Variants in SHISA9 observed in about 807,000 individuals in gnomAD.
SHISA9 encodes the protein shisa family member 9, also known as protein shisa-9.
SHISA9 carries 13 observed loss-of-function variants against 38.0 expected under a neutral mutation model. The ratio of observed to expected loss-of-function variants is 0.34; its 90% CI spans 0.22 to 0.54. The LOEUF is 0.54. Among genes scored for constraint, SHISA9 ranks in the 20% least tolerant of loss-of-function variants. SHISA9 has a pLI of 0.91. For synonymous variants in SHISA9, 275 were observed against 242.0 expected, an observed-to-expected ratio of 1.14 and a Z score of -1.27; for missense variants, 538 against 575.8, an observed-to-expected ratio of 0.93 and a Z score of 0.67.
intron 2 of SHISA9, among the ~76,000 whole-genome samples, chr16:12,966,241 T>C (rs1567355119): frequency 6.6e-6 from 1 of 152,234 alleles, no homozygotes; most frequent in Non-Finnish European, 1.5e-5. Flanking sequence ...ATGATTTTGC[T>C]CACCTAGGGG....
chr16:13,095,957 C>T (rs575757525), intron 2 of SHISA9, among the ~76,000 whole-genome samples: 77 of 152,198 alleles, frequency 5.1e-4, no homozygotes, highest in African/African-American at 1.7e-3. Context: ...TAGTAAGTTC[C>T]CAGGTGATGC....
At position 13,080,140 on chromosome 16, in the gene SHISA9, G is replaced by A. The variant is rs567180662; in HGVS notation, c.692-123254G>A. On this transcript the variant is annotated intron_variant, in intron 2 of 4. Transcript: ENST00000558583. ...TGTAATCCCAGCACTTTGGGAGGCC[G>A]AGGCAGGAGGATCACGAGGTCAGGA... Among the ~76,000 whole-genome samples, 114 of 152,246 alleles carry A rather than the reference G, an allele frequency of 7.5e-4. 3 individuals are homozygous for A. In the East Asian group the frequency reaches 0.018, roughly 24 times the overall value.
intron 2 of SHISA9, among the ~76,000 whole-genome samples, chr16:12,970,495 ATATTTTTTTTTTTTTTT>A (rs2072065304): frequency 4.1e-5 from 1 of 24,642 alleles, no homozygotes; most frequent in South Asian, 2.3e-3. Flanking sequence ...ATATATATAT[ATATTTTTTTTTTTTTTT>A]TTTTTTTTTT....
chr16:13,186,011 C>A (rs16961302), intron 2 of SHISA9, among the ~76,000 whole-genome samples: 21,659 of 152,150 alleles, frequency 0.14, 1,811 homozygotes, highest in African/African-American at 0.21. Flanking sequence ...TCATTTTACC[C>A]TACCTTGAAC....
the SHISA9 span, among the ~76,000 whole-genome samples, chr16:13,316,218 T>C: frequency 6.6e-6 from 1 of 152,052 alleles, no homozygotes; most frequent in Non-Finnish European, 1.5e-5. Context: ...TCAGTGGCTT[T>C]GTGTTGGAAA....
At chr16:12,912,741 C>T (rs1291203780) in intron 1 of SHISA9, among the ~76,000 whole-genome samples, 6 of 152,220 alleles carry the variant, frequency 3.9e-5, no homozygotes, top group African/African-American at 1.4e-4. Flanking sequence ...CATCTCCTCC[C>T]AATCCCCGCA....
the SHISA9 span, among the ~76,000 whole-genome samples, chr16:13,371,792 G>A: frequency 6.6e-6 from 1 of 152,206 alleles, no homozygotes; most frequent in Non-Finnish European, 1.5e-5. Flanking sequence ...CACATGCCTG[G>A]AAGGCAGGAT....
the SHISA9 span, among the ~76,000 whole-genome samples, chr16:13,462,818 C>T: frequency 5.9e-5 from 9 of 152,070 alleles, no homozygotes; most frequent in Admixed American, 1.3e-4. Flanking sequence ...AAAAATTAGC[C>T]AGGCGTGGTG....
intron 2 of SHISA9, among the ~76,000 whole-genome samples, chr16:12,942,065 G>A (rs1451813051): frequency 6.6e-6 from 1 of 152,122 alleles, no homozygotes; most frequent in African/African-American, 2.4e-5. Flanking sequence ...GGGACCCTCA[G>A]TGCAGTGACA....
At chr16:13,138,093 A>G (rs989147674) in intron 2 of SHISA9, among the ~76,000 whole-genome samples, 2 of 152,082 alleles carry the variant, frequency 1.3e-5, no homozygotes, top group African/African-American at 4.8e-5. Context: ...GCACACCCAA[A>G]AGTGATGGTG....
chr16:13,419,279 A>G, the SHISA9 span, among the ~76,000 whole-genome samples: 2 of 152,234 alleles, frequency 1.3e-5, no homozygotes, highest in African/African-American at 4.8e-5. Context: ...AGCTCCAAGA[A>G]AGAAGACATT....
the SHISA9 span, among the ~76,000 whole-genome samples, chr16:13,512,630 A>G: frequency 0.12 from 18,746 of 152,226 alleles, 1,267 homozygotes; most frequent in Middle Eastern, 0.19. Context: ...AACAGTAACC[A>G]AAACAGGATG....
chr16:13,533,972 A>G, the SHISA9 span, among the ~76,000 whole-genome samples: 1 of 151,908 alleles, frequency 6.6e-6, no homozygotes, highest in Non-Finnish European at 1.5e-5. Flanking sequence ...TTTAGTAGAG[A>G]CAGGGTTTCA....
chr16:13,297,792 T>C, the SHISA9 span, among the ~76,000 whole-genome samples: 1 of 152,208 alleles, frequency 6.6e-6, no homozygotes, highest in African/African-American at 2.4e-5. Context: ...GTTTTGCTCT[T>C]GTTGCCCAGG....
At chr16:13,528,876 G>A in the SHISA9 span, among the ~76,000 whole-genome samples, 1 of 152,170 alleles carries the variant, frequency 6.6e-6, no homozygotes, top group Admixed American at 6.5e-5. Flanking sequence ...TGGCCCTAAA[G>A]AACATGTACG....
At chr16:12,911,914 T>G (rs1046185846) in intron 1 of SHISA9, among the ~76,000 whole-genome samples, 1 of 152,238 alleles carries the variant, frequency 6.6e-6, no homozygotes, top group Non-Finnish European at 1.5e-5. Context: ...TTGCCATTAC[T>G]TTCAATGTCA....
chr16:13,198,448 A>G (rs1222177056), intron 2 of SHISA9, among the ~76,000 whole-genome samples: 2 of 152,198 alleles, frequency 1.3e-5, no homozygotes, highest in African/African-American at 4.8e-5. Context: ...ACACACATGC[A>G]TATTTCTTCT....
the SHISA9 span, among the ~76,000 whole-genome samples, chr16:13,285,234 T>C: frequency 2.0e-5 from 3 of 152,204 alleles, no homozygotes; most frequent in Non-Finnish European, 4.4e-5. Flanking sequence ...TCATTTATTG[T>C]TAACTGTTTC....
rs115711898 is a variant in SHISA9 at position 13,125,004 on chromosome 16, C to G, written c.692-78390C>G. ...AAAGACTTAGATCTAAGAACTCAGA[C>G]TATGAAATGACTACAAAAACATGAG... On this transcript the variant is annotated intron_variant, in intron 2 of 4. Coordinates refer to ENST00000558583, the MANE Select transcript of SHISA9 (RefSeq NM_001145204.3). 6.7e-3 allele frequency among the ~76,000 whole-genome samples: 1,022 copies of G among 152,214 alleles called. 10 individuals carry two copies. Among genetic ancestry groups the G allele is most frequent in the African/African-American group, 0.023 (948 of 41,526 alleles).
Sources: allele counts gnomAD v4.1 joint callset (sites outside exome capture counted in the v4.1 genomes callset), GRCh38; gene constraint gnomAD v4.1.1; transcripts MANE v1.5; gene names NCBI Gene and HGNC (gene_info 2026-07-23, HGNC 2026-07-21).